The following CTNNA3 variants were observed in gnomAD, a reference collection of about 807,000 sequenced individuals.
CTNNA3 encodes the protein catenin alpha-3.
Under a neutral mutation model 95.7 loss-of-function variants are expected in CTNNA3, and 76 were observed. The ratio of observed to expected loss-of-function variants is 0.79; its 90% CI spans 0.66 to 0.96. The LOEUF (loss-of-function observed/expected upper bound fraction) is 0.96. Ranked by LOEUF, CTNNA3 falls within the 40% of genes least tolerant of loss-of-function variation. CTNNA3 has a pLI of 0.00. For synonymous variants in CTNNA3, 431 were observed against 374.4 expected (o/e 1.15, Z -1.74); for missense variants, 1,191 against 1,089.8 (o/e 1.09, Z -1.31).
At chr10:66,235,739 C>T (rs1047415081) in intron 13 of CTNNA3, among the ~76,000 whole-genome samples, 1 of 151,520 alleles carries the variant, frequency 6.6e-6, no homozygotes, top group African/African-American at 2.4e-5. Context: ...AAGGCAAATA[C>T]CCAGATAGTT....
At chr10:67,059,092 C>T (rs1430891139) in intron 7 of CTNNA3, among the ~76,000 whole-genome samples, 1 of 152,142 alleles carries the variant, frequency 6.6e-6, no homozygotes. Context: ...TCCACTTAGT[C>T]TTGAGAATCT....
intron 15 of CTNNA3, among the ~76,000 whole-genome samples, chr10:66,026,758 G>C (rs1382803751): frequency 6.6e-6 from 1 of 151,980 alleles, no homozygotes; most frequent in Non-Finnish European, 1.5e-5. Flanking sequence ...CATCTTATTG[G>C]TGTTATTGAC....
At chr10:66,755,133 C>T (rs78818283) in intron 9 of CTNNA3, among the ~76,000 whole-genome samples, 3 of 151,934 alleles carry the variant, frequency 2.0e-5, no homozygotes, top group Non-Finnish European at 2.9e-5. Context: ...GGGCATAAGC[C>T]GGAATGAAGT....
intron 11 of CTNNA3, among the ~76,000 whole-genome samples, chr10:66,436,127 G>T (rs1396163307): frequency 6.6e-6 from 1 of 152,102 alleles, no homozygotes; most frequent in Non-Finnish European, 1.5e-5. Flanking sequence ...AGTATGATTT[G>T]GTGCTGAGAA....
At chr10:67,606,783 C>A in intron 3 of CTNNA3, 74 bp downstream of exon 3, 2 of 1,220,586 alleles carry the variant, frequency 1.6e-6, no homozygotes, top group Admixed American at 2.2e-5. Context: ...AAACAAAACA[C>A]TCACAAATCT....
chr10:67,645,000 A>C (rs1839660944), intron 2 of CTNNA3, among the ~76,000 whole-genome samples: 1 of 152,164 alleles, frequency 6.6e-6, no homozygotes, highest in East Asian at 1.9e-4. Flanking sequence ...GGATCATGAA[A>C]AGTTTGAATC....
chr10:66,873,526 T>G (rs928879255), intron 7 of CTNNA3, among the ~76,000 whole-genome samples: 1 of 152,176 alleles, frequency 6.6e-6, no homozygotes, highest in Non-Finnish European at 1.5e-5. Context: ...TTTTGAGAAG[T>G]GTCTGTTCTT....
At chr10:67,105,591 C>T (rs188708796) in intron 7 of CTNNA3, among the ~76,000 whole-genome samples, 153 of 152,222 alleles carry the variant, frequency 1.0e-3, no homozygotes, top group Admixed American at 7.2e-4. Flanking sequence ...ATATAATGCC[C>T]TAAACAGTCT....
At chr10:66,442,712 T>G (rs566408116) in intron 11 of CTNNA3, among the ~76,000 whole-genome samples, 1 of 152,190 alleles carries the variant, frequency 6.6e-6, no homozygotes, top group Non-Finnish European at 1.5e-5. Flanking sequence ...AGCTCCGGTC[T>G]ACAGCTCCCA....
intron 13 of CTNNA3, among the ~76,000 whole-genome samples, chr10:66,114,921 C>T (rs1246621753): frequency 6.6e-6 from 1 of 151,466 alleles, no homozygotes; most frequent in African/African-American, 2.4e-5. Context: ...AATATATCAA[C>T]ATATTTTATT....
intron 14 of CTNNA3, among the ~76,000 whole-genome samples, chr10:66,073,201 C>A (rs1452135748): frequency 3.9e-5 from 6 of 152,126 alleles, no homozygotes; most frequent in Non-Finnish European, 5.9e-5. Context: ...TTCAAGAAAT[C>A]TATTATACAA....
chr10:67,651,676 T>C (rs1186931141), intron 1 of CTNNA3, among the ~76,000 whole-genome samples: 2 of 152,198 alleles, frequency 1.3e-5, no homozygotes, highest in African/African-American at 2.4e-5. Flanking sequence ...TTTCATTTCG[T>C]CAAAAATATA....
chr10:66,945,784 G>A (rs369583716), intron 7 of CTNNA3, among the ~76,000 whole-genome samples: 2 of 152,092 alleles, frequency 1.3e-5, no homozygotes, highest in African/African-American at 4.8e-5. Context: ...CCACTGTAGG[G>A]TTATTAATGG....
chr10:67,154,161 T>C (rs560201691), intron 7 of CTNNA3, among the ~76,000 whole-genome samples: 1 of 152,292 alleles, frequency 6.6e-6, no homozygotes, highest in African/African-American at 2.4e-5. Context: ...TATAAGTTAA[T>C]TTAGGAATGT....
At chr10:66,812,110 T>G (rs1368025091) in intron 7 of CTNNA3, among the ~76,000 whole-genome samples, 1 of 152,062 alleles carries the variant, frequency 6.6e-6, no homozygotes, top group Non-Finnish European at 1.5e-5. Flanking sequence ...TGTACCAACA[T>G]GGGAAAATTC....
At chr10:67,632,305 A>G (rs1465634608) in intron 2 of CTNNA3, among the ~76,000 whole-genome samples, 1 of 132,774 alleles carries the variant, frequency 7.5e-6, no homozygotes, top group Admixed American at 7.1e-5. Flanking sequence ...CTGTCCATTA[A>G]ATATATTAAA....
intron 16 of CTNNA3, among the ~76,000 whole-genome samples, chr10:65,967,236 G>A (rs111804915): frequency 0.031 from 4,757 of 151,786 alleles, 268 homozygotes; most frequent in African/African-American, 0.11. Flanking sequence ...GATTACAGGC[G>A]TGAGCCACCA....
chr10:66,417,036 T>C (rs944007533), intron 11 of CTNNA3, among the ~76,000 whole-genome samples: 1 of 151,938 alleles, frequency 6.6e-6, no homozygotes, highest in East Asian at 1.9e-4. Flanking sequence ...AAACCTCACA[T>C]ATCAATAATT....
At position 67,189,541 on chromosome 10, in the gene CTNNA3, T is replaced by C. The variant is rs576446540; in HGVS notation, c.844-9021A>G. On this transcript the variant is annotated intron_variant, in intron 6 of 17. Transcript: ENST00000433211. ...TTAGTTTCATTTAGCCACTGCATAA[T>C]GTGTATGTATTTCAAAACATCATGT... 5.3e-5 allele frequency among the ~76,000 whole-genome samples: 7 copies of C among 133,070 alleles called. No individual in the cohort carries two copies. The South Asian group carries it at 2.0e-3, about 39-fold the overall frequency. 87.3% of individuals were successfully genotyped at this position (133,070 alleles called of 152,430 possible). A position where few individuals can be genotyped will look rare whatever the true frequency, so the allele number is the denominator to read the frequency against.
Sources: allele counts gnomAD v4.1 joint callset (sites outside exome capture counted in the v4.1 genomes callset), GRCh38; gene constraint gnomAD v4.1.1; transcripts MANE v1.5; gene names NCBI Gene and HGNC (gene_info 2026-07-23, HGNC 2026-07-21).